Variants in PKP1 observed in about 807,000 individuals in gnomAD.
PKP1 encodes plakophilin-1.
In PKP1, 27 loss-of-function variants were observed where a neutral mutation model predicts 76.4. That is an observed-to-expected ratio of 0.35 (90% CI 0.26 to 0.49). PKP1 has a LOEUF of 0.49. PKP1 is among the 20% of genes least tolerant of loss of function. PKP1 has a pLI of 0.99. For synonymous variants in PKP1, 404 were observed against 384.2 expected, an observed-to-expected ratio of 1.05 and a Z score of -0.60; for missense variants, 964 against 955.2, an observed-to-expected ratio of 1.01 and a Z score of -0.12.
At position 201,324,405 on chromosome 1, in the gene PKP1, A is replaced by C. The variant is rs201565979; in HGVS notation, c.1681-23A>C. 2.0e-5 allele frequency: 32 copies of C among 1,613,780 alleles called. No homozygotes were observed. The Admixed American group carries it at 4.3e-4, about 22-fold the overall frequency. On this transcript the variant is annotated intron_variant, in intron 9 of 13. Transcript: ENST00000367324. ...TGCCTGGGAAGCCACAGGCTAGCTCATCATCTACTCCTTCTCTCTTAGATG... is the reference window on the plus strand; with the variant it reads ...TGCCTGGGAAGCCACAGGCTAGCTCCTCATCTACTCCTTCTCTCTTAGATG...
intron 4 of PKP1, among the ~76,000 whole-genome samples, chr1:201,317,003 C>T (rs1177329200): frequency 6.6e-6 from 1 of 152,170 alleles, no homozygotes; most frequent in African/African-American, 2.4e-5. Context: ...AACATGACTG[C>T]TCCTCACCTC....
At chr1:201,284,007 C>A (rs994876512) in intron 1 of PKP1, 103 bp downstream of exon 1, 2 of 1,067,758 alleles carry the variant, frequency 1.9e-6, no homozygotes, top group Non-Finnish European at 1.4e-6. Flanking sequence ...TGAGGGGAGG[C>A]GAGGGGCTGC....
rs1656850744 is a variant in PKP1 at position 201,318,787 on chromosome 1, C to T, written c.1224C>T (p.Gly408=). ...VDPEVFFNAT[G]CLRNLSSADA... ...CTGAGGTCTTCTTCAATGCCACAGG[C>T]TGCTTGAGGTGAGAGAAGAGGATAC... Residue 408 remains glycine (G), a synonymous_variant, in exon 6 of 14, where the codon GGC becomes GGT. Coordinates refer to ENST00000367324, the MANE Select transcript of PKP1 (RefSeq NM_001005337.3). The T allele has an allele frequency of 4.4e-6, 7 of 1,602,252 alleles. No homozygotes were observed. Among genetic ancestry groups the T allele is most frequent in the Non-Finnish European group, 6.0e-6 (7 of 1,175,030 alleles).
At chr1:201,323,264 T>TC in intron 9 of PKP1, 75 bp downstream of exon 9, 1 of 1,425,614 alleles carries the variant, frequency 7.0e-7, no homozygotes, top group Non-Finnish European at 9.8e-7. Context: ...TCCCTCCTTT[T>TC]CCCCCCAGCC....
At chr1:201,322,897 A>G (rs1300282112) in intron 8 of PKP1, 116 bp from the exon 9 acceptor site, 54 of 1,092,350 alleles carry the variant, frequency 4.9e-5, no homozygotes, top group Non-Finnish European at 5.9e-5. Flanking sequence ...GCGCTTCCTC[A>G]GCTTGCCCTA....
chr1:201,302,988 G>A (rs1656280693), intron 2 of PKP1, among the ~76,000 whole-genome samples: 1 of 152,246 alleles, frequency 6.6e-6, no homozygotes, highest in African/African-American at 2.4e-5. Flanking sequence ...CAAGACTGGA[G>A]CATGGTCTCC....
intron 11 of PKP1, 67 bp downstream of exon 11, chr1:201,325,194 A>G: frequency 1.3e-6 from 2 of 1,499,318 alleles, no homozygotes; most frequent in Non-Finnish European, 1.8e-6. Flanking sequence ...GCACAGCAGG[A>G]AGCAGTCCCG....
chr1:201,288,894 CA>C (rs1480786384), intron 1 of PKP1, among the ~76,000 whole-genome samples: 1 of 152,194 alleles, frequency 6.6e-6, no homozygotes, highest in Non-Finnish European at 1.5e-5. Context: ...GAGGGAGTCA[CA>C]TGGGCTGGAG....
Position 201,320,338 on chromosome 1 carries a change from C to T in PKP1, c.1304C>T (p.Ala435Val), listed in dbSNP as rs1571560185. ...NYSGLIDSLM[A>V]YVQNCVAASR... ...TCAGGGCTCATTGATTCCCTCATGGCCTATGTCCAGAACTGTGTAGCGGCC... is the reference window on the plus strand; with the variant it reads ...TCAGGGCTCATTGATTCCCTCATGGTCTATGTCCAGAACTGTGTAGCGGCC... The change falls in exon 7 of 14, where the codon GCC becomes GTC. Residue 435 changes from alanine to valine, a missense_variant. Ala to Val is a moderately conservative substitution (Grantham distance 64). Coordinates refer to ENST00000367324, the MANE Select transcript of PKP1 (RefSeq NM_001005337.3). 1 of 1,614,032 alleles carries T rather than the reference C, an allele frequency of 6.2e-7. No individual in the cohort carries two copies. The highest frequency in any genetic ancestry group is 1.1e-5 in the South Asian group (1 of 91,086).
intron 2 of PKP1, among the ~76,000 whole-genome samples, chr1:201,305,751 C>T (rs1656350751): frequency 6.6e-6 from 1 of 152,144 alleles, no homozygotes; most frequent in African/African-American, 2.4e-5. Flanking sequence ...GCATCTGGCC[C>T]AGTGGGATCT....
intron 2 of PKP1, among the ~76,000 whole-genome samples, chr1:201,296,871 C>T (rs1316427147): frequency 1.3e-5 from 2 of 152,220 alleles, no homozygotes; most frequent in East Asian, 1.9e-4. Context: ...AACAATATTA[C>T]TCACTTGGAG....
chr1:201,301,419 A>G (rs929288000), intron 2 of PKP1, among the ~76,000 whole-genome samples: 3 of 152,040 alleles, frequency 2.0e-5, no homozygotes, highest in Admixed American at 6.5e-5. Flanking sequence ...TCAACAACTA[A>G]TCTTCCTCCA....
At position 201,317,816 on chromosome 1, in the gene PKP1, C is replaced by T. The variant is rs369284420; in HGVS notation, c.1054+37C>T. On this transcript the variant is annotated intron_variant, in intron 5 of 13. Coordinates refer to ENST00000367324, the MANE Select transcript of PKP1 (RefSeq NM_001005337.3). ...CGGCCACCGAGAGCCAGCCTGAGGG[C>T]TGTGCAAGGCCACTGGCTATGGCCC... 2.5e-3 allele frequency: 3,929 copies of T among 1,583,504 alleles called. 10 individuals carry two copies. The highest frequency in any genetic ancestry group is 3.1e-3 in the Non-Finnish European group (3,616 of 1,158,566).
intron 1 of PKP1, among the ~76,000 whole-genome samples, chr1:201,293,531 G>A (rs1655987086): frequency 6.6e-6 from 1 of 152,190 alleles, no homozygotes. Context: ...GCTGGACTGG[G>A]AATGTCGGAA....
At chr1:201,285,672 G>A (rs1253214210) in intron 1 of PKP1, among the ~76,000 whole-genome samples, 7 of 152,212 alleles carry the variant, frequency 4.6e-5, no homozygotes, top group Admixed American at 1.3e-4. Flanking sequence ...CTGAGCTCTT[G>A]GCTCACAACT....
intron 2 of PKP1, among the ~76,000 whole-genome samples, chr1:201,305,740 G>A (rs147950230): frequency 3.3e-5 from 5 of 152,250 alleles, no homozygotes; most frequent in South Asian, 2.1e-4. Context: ...TAGGGTGGGG[G>A]GCATCTGGCC....
chr1:201,305,502 T>A (rs958187722), intron 2 of PKP1, among the ~76,000 whole-genome samples: 1 of 152,162 alleles, frequency 6.6e-6, no homozygotes, highest in Non-Finnish European at 1.5e-5. Flanking sequence ...GGGCTACAGA[T>A]CTGTCTTAAA....
At chr1:201,306,575 T>C (rs7556140) in intron 2 of PKP1, among the ~76,000 whole-genome samples, 18,994 of 152,320 alleles carry the variant, frequency 0.12, 1,460 homozygotes, top group African/African-American at 0.21. Flanking sequence ...ATGATTGAAG[T>C]ATGCTCACAG....
At chr1:201,288,837 A>T (rs1015145001) in intron 1 of PKP1, among the ~76,000 whole-genome samples, 1 of 152,136 alleles carries the variant, frequency 6.6e-6, no homozygotes, top group Non-Finnish European at 1.5e-5. Flanking sequence ...CTGAAAGAGC[A>T]GCAGGATTGT....
Sources: allele counts gnomAD v4.1 joint callset (sites outside exome capture counted in the v4.1 genomes callset), GRCh38; gene constraint gnomAD v4.1.1; transcripts MANE v1.5; gene names NCBI Gene and HGNC (gene_info 2026-07-23, HGNC 2026-07-21).